The following INPP4B variants were observed in gnomAD, a reference collection of about 807,000 sequenced individuals.
The protein encoded by INPP4B is inositol polyphosphate 4-phosphatase type II.
In INPP4B, 55 loss-of-function variants were observed where a neutral mutation model predicts 122.5. The ratio of observed to expected loss-of-function variants is 0.45; its 90% CI spans 0.36 to 0.56. INPP4B has a LOEUF of 0.56. Ranked by LOEUF, INPP4B falls within the 20% of genes least tolerant of loss-of-function variation. The pLI is 0.00. For synonymous variants in INPP4B, 403 were observed against 388.7 expected (o/e 1.04, Z -0.43); for missense variants, 1,000 against 1,097.7 (o/e 0.91, Z 1.26).
At chr4:142,569,122 A>T (rs1369272720) in intron 2 of INPP4B, among the ~76,000 whole-genome samples, 1 of 152,166 alleles carries the variant, frequency 6.6e-6, no homozygotes, top group African/African-American at 2.4e-5. Flanking sequence ...ACAATTGTAC[A>T]CACATACACA....
At chr4:142,773,232 C>CA (rs548925641) in intron 1 of INPP4B, among the ~76,000 whole-genome samples, 2 of 151,842 alleles carry the variant, frequency 1.3e-5, no homozygotes, top group Non-Finnish European at 2.9e-5. Flanking sequence ...ATAATATTAG[C>CA]AAAAAATGTT....
At chr4:142,739,767 G>A (rs920533173) in intron 1 of INPP4B, among the ~76,000 whole-genome samples, 2 of 151,870 alleles carry the variant, frequency 1.3e-5, no homozygotes, top group East Asian at 1.9e-4. Context: ...AAAATAATAC[G>A]TTATTTTAAG....
intron 7 of INPP4B, among the ~76,000 whole-genome samples, chr4:142,328,001 A>G (rs975471249): frequency 1.3e-5 from 2 of 152,186 alleles, no homozygotes; most frequent in African/African-American, 4.8e-5. Flanking sequence ...GAGGGAAGTT[A>G]AAGCAAAGAT....
At chr4:142,299,245 C>A (rs1284891066) in intron 9 of INPP4B, among the ~76,000 whole-genome samples, 1 of 118,152 alleles carries the variant, frequency 8.5e-6, no homozygotes, top group South Asian at 2.4e-4. Context: ...TGCAACTTCA[C>A]CCTCCTGGGC....
chr4:142,439,588 T>C (rs990112237), intron 3 of INPP4B, among the ~76,000 whole-genome samples: 8 of 152,332 alleles, frequency 5.3e-5, no homozygotes, highest in African/African-American at 1.9e-4. Flanking sequence ...GAACAGAAAT[T>C]CTGAGACATG....
chr4:142,726,012 A>G, intron 1 of INPP4B, 111 bp from the exon 2 acceptor site: 1 of 389,360 alleles, frequency 2.6e-6, no homozygotes, highest in Non-Finnish European at 4.5e-6. Flanking sequence ...AAATCATTTA[A>G]CAAAATATTC....
chr4:142,655,291 A>G (rs924197670), intron 2 of INPP4B, among the ~76,000 whole-genome samples: 9 of 152,134 alleles, frequency 5.9e-5, no homozygotes, highest in African/African-American at 2.2e-4. Flanking sequence ...CACTTGTTCA[A>G]TTCTTGTCAT....
chr4:142,640,844 T>C (rs116308903), intron 2 of INPP4B, among the ~76,000 whole-genome samples: 1,753 of 152,130 alleles, frequency 0.012, 31 homozygotes, highest in African/African-American at 0.032. Flanking sequence ...TTAATAATCA[T>C]GGAAATGCTA....
chr4:142,152,424 T>C (rs1302197476), intron 17 of INPP4B, among the ~76,000 whole-genome samples: 1 of 152,088 alleles, frequency 6.6e-6, no homozygotes, highest in Non-Finnish European at 1.5e-5. Flanking sequence ...TAATGACTAT[T>C]ATTTTTTAAT....
At chr4:142,433,606 A>G (rs988162119) in intron 3 of INPP4B, among the ~76,000 whole-genome samples, 7 of 152,236 alleles carry the variant, frequency 4.6e-5, no homozygotes, top group African/African-American at 1.7e-4. Flanking sequence ...TCATACAAGA[A>G]GGTTATTATT....
intron 7 of INPP4B, among the ~76,000 whole-genome samples, chr4:142,347,830 T>C (rs1377997005): frequency 6.6e-6 from 1 of 151,884 alleles, no homozygotes; most frequent in Non-Finnish European, 1.5e-5. Flanking sequence ...GGGAGACAAA[T>C]TCTCATAAAA....
intron 16 of INPP4B, among the ~76,000 whole-genome samples, chr4:142,164,541 A>AGCATGTTAGAC (rs1427509245): frequency 1.3e-5 from 2 of 151,790 alleles, no homozygotes; most frequent in Admixed American, 1.3e-4. Flanking sequence ...CCTAAAGGAA[A>AGCATGTTAGAC]GCATGTTAGA....
In INPP4B at chr4:142,594,011, C is replaced by T. The variant is rs569716387; in HGVS notation, c.-190-131285G>A. 2.6e-5 allele frequency among the ~76,000 whole-genome samples: 4 copies of T among 152,128 alleles called. No homozygotes were observed. The South Asian group carries it at 8.3e-4, about 32-fold the overall frequency. ...TTCTTTTTAATAACTAGATAGTATA[C>T]ATTTTATTGGTATGCCATAATAAAT... On this transcript the variant is annotated intron_variant, in intron 2 of 25. Coordinates refer to ENST00000262992, the MANE Select transcript of INPP4B (RefSeq NM_001101669.3).
chr4:142,258,827 C>T (rs1561656207), intron 11 of INPP4B, among the ~76,000 whole-genome samples: 1 of 152,136 alleles, frequency 6.6e-6, no homozygotes. Flanking sequence ...CTAGAAACAC[C>T]ATTTGACCCA....
intron 2 of INPP4B, among the ~76,000 whole-genome samples, chr4:142,559,282 G>T (rs572123035): frequency 1.8e-4 from 27 of 152,332 alleles, no homozygotes; most frequent in Non-Finnish European, 3.1e-4. Context: ...TAAGATGTCA[G>T]AGAGTGGTGG....
intron 7 of INPP4B, among the ~76,000 whole-genome samples, chr4:142,397,758 G>A (rs1799822278): frequency 1.3e-5 from 2 of 152,082 alleles, no homozygotes; most frequent in Admixed American, 6.5e-5. Flanking sequence ...GGAATCACTT[G>A]AACCTGGGAG....
chr4:142,039,849 ATG>A (rs1290743694), intron 25 of INPP4B, among the ~76,000 whole-genome samples: 1 of 152,160 alleles, frequency 6.6e-6, no homozygotes, highest in African/African-American at 2.4e-5. Context: ...ATTTAAATAT[ATG>A]TAAGATGGAA....
rs375620442 is a variant in INPP4B at position 142,761,396 on chromosome 4, T to C, written c.-253-35495A>G. Among the ~76,000 whole-genome samples, 20 of 152,262 alleles carry C rather than the reference T, an allele frequency of 1.3e-4. 1 individual carries two copies. The East Asian group carries it at 2.7e-3, about 21-fold the overall frequency. ...AGAGAAAATGTACTACATCATATAA[T>C]TTATTTTAAATTGGTACCATGAAAA... On this transcript the variant is annotated intron_variant, in intron 1 of 25. Transcript: ENST00000262992.
intron 24 of INPP4B, among the ~76,000 whole-genome samples, chr4:142,084,345 A>T (rs945213409): frequency 3.3e-5 from 5 of 151,890 alleles, no homozygotes; most frequent in Non-Finnish European, 7.4e-5. Flanking sequence ...GGTCTCCATC[A>T]CCTGACCTCG....
Sources: allele counts gnomAD v4.1 joint callset (sites outside exome capture counted in the v4.1 genomes callset), GRCh38; gene constraint gnomAD v4.1.1; transcripts MANE v1.5; gene names NCBI Gene and HGNC (gene_info 2026-07-23, HGNC 2026-07-21).